Variants in TMEM268 observed in about 807,000 individuals in gnomAD.
TMEM268 encodes transmembrane protein 268, also known as transmembrane protein C9orf91.
TMEM268 carries 24 observed loss-of-function variants against 39.1 expected under a neutral mutation model. That is an observed-to-expected ratio of 0.61 (90% CI 0.44 to 0.86). The LOEUF is 0.86. Among genes scored for constraint, TMEM268 ranks in the 40% least tolerant of loss-of-function variants. TMEM268 has a pLI of 0.00. For synonymous variants in TMEM268, 176 were observed against 173.5 expected, an observed-to-expected ratio of 1.01 and a Z score of -0.12; for missense variants, 409 against 428.6, an observed-to-expected ratio of 0.95 and a Z score of 0.40.
intron 5 of TMEM268, among the ~76,000 whole-genome samples, chr9:114,631,215 A>G (rs1353953057): frequency 1.4e-5 from 2 of 146,616 alleles, no homozygotes; most frequent in Non-Finnish European, 3.0e-5. Flanking sequence ...AGGTGGGAGG[A>G]TTGCTTGAGC....
intron 2 of TMEM268, among the ~76,000 whole-genome samples, chr9:114,623,916 A>G (rs1846046137): frequency 6.6e-6 from 1 of 152,180 alleles, no homozygotes; most frequent in Non-Finnish European, 1.5e-5. Context: ...AGACTCTCTG[A>G]GCCTACTGGG....
At chr9:114,619,274 T>C (rs1467641766) in intron 2 of TMEM268, among the ~76,000 whole-genome samples, 1 of 141,194 alleles carries the variant, frequency 7.1e-6, no homozygotes, top group Non-Finnish European at 1.5e-5. Flanking sequence ...CTTCCCCCTC[T>C]GCGCGTGCGT....
rs10552544 is a variant in TMEM268 at position 114,619,293 on chromosome 9, G to GCACA, written c.106+2017_106+2020dup. Among the ~76,000 whole-genome samples the GCACA allele has an allele frequency of 7.0e-3, 1,054 of 150,388 alleles. 8 individuals are homozygous for GCACA. The highest frequency in any genetic ancestry group is 0.014 in the Middle Eastern group (4 of 290). ...CCCCTCTGCGCGTGCGTGCACGCGT[G>GCACA]CACACACACACACACACACACACAC... On this transcript the variant is annotated intron_variant, in intron 2 of 8. Transcript: ENST00000288502.
Position 114,626,917 on chromosome 9 carries a change from A to G in TMEM268, c.235A>G (p.Arg79Gly), listed in dbSNP as rs779691240. 1 of 1,613,640 alleles carries G rather than the reference A, an allele frequency of 6.2e-7. No homozygotes were observed. The highest frequency in any genetic ancestry group is 1.1e-5 in the South Asian group (1 of 91,064). Residue 79 changes from arginine to glycine, a missense_variant, in exon 4 of 9, where the codon AGG (arginine) becomes GGG (glycine). Arg to Gly is a moderately radical substitution (Grantham distance 125). Coordinates refer to ENST00000288502, the MANE Select transcript of TMEM268 (RefSeq NM_153045.4). ...CAAGCAGGTCCCGGCTGACCAGTAC[A>G]GGAGCTTGGCTGAGAGTGCCCTCTT... ...WGIQVPADQY[R>G]SLAESALLEP...
chr9:114,624,978 C>T (rs1366311106), intron 3 of TMEM268, among the ~76,000 whole-genome samples: 1 of 152,120 alleles, frequency 6.6e-6, no homozygotes, highest in Non-Finnish European at 1.5e-5. Flanking sequence ...ACTGCATATA[C>T]AAGGGAAAGT....
At chr9:114,605,960 T>TA in the TMEM268 span, among the ~76,000 whole-genome samples, 1 of 151,358 alleles carries the variant, frequency 6.6e-6, no homozygotes, top group Non-Finnish European at 1.5e-5. Context: ...GAAAATAACT[T>TA]ACAAAGCAGG....
At chr9:114,625,882 A>G (rs1846139888) in intron 3 of TMEM268, among the ~76,000 whole-genome samples, 1 of 152,080 alleles carries the variant, frequency 6.6e-6, no homozygotes, top group Non-Finnish European at 1.5e-5. Flanking sequence ...GCTGGAGTAC[A>G]GTGGTGTGAT....
chr9:114,615,042 G>C (rs1564283441), intron 1 of TMEM268, among the ~76,000 whole-genome samples: 1 of 151,892 alleles, frequency 6.6e-6, no homozygotes, highest in African/African-American at 2.4e-5. Flanking sequence ...GATTACAGGC[G>C]CCTGCCACCA....
intron 8 of TMEM268, among the ~76,000 whole-genome samples, chr9:114,641,043 T>C (rs1368781336): frequency 6.6e-6 from 1 of 152,098 alleles, no homozygotes; most frequent in Non-Finnish European, 1.5e-5. Context: ...GGCTGGCTAA[T>C]TTTTGTATTT....
At chr9:114,624,076 TG>T in intron 2 of TMEM268, 1 of 314,104 alleles carries the variant, frequency 3.2e-6, no homozygotes, top group Non-Finnish European at 5.3e-6. Context: ...CTATTTTTTA[TG>T]GGGACAGCTT....
intron 2 of TMEM268, 146 bp downstream of exon 2, chr9:114,617,447 C>A: frequency 4.4e-6 from 3 of 683,924 alleles, no homozygotes; most frequent in Non-Finnish European, 7.8e-6. Context: ...GTCTCTTGGC[C>A]TTAGACCAAG....
At chr9:114,639,035 C>T (rs762624581) in intron 8 of TMEM268, among the ~76,000 whole-genome samples, 5 of 152,178 alleles carry the variant, frequency 3.3e-5, no homozygotes, top group Non-Finnish European at 7.3e-5. Flanking sequence ...TAACCATGAA[C>T]ATACTGATGA....
chr9:114,622,078 G>A (rs930959673), intron 2 of TMEM268: 1 of 985,268 alleles, frequency 1.0e-6, no homozygotes, highest in Non-Finnish European at 1.2e-6. Context: ...GCACAGAGTG[G>A]ACAGATGTTT....
At chr9:114,624,934 G>C (rs1218771830) in intron 3 of TMEM268, among the ~76,000 whole-genome samples, 1 of 152,208 alleles carries the variant, frequency 6.6e-6, no homozygotes, top group Non-Finnish European at 1.5e-5. Flanking sequence ...GAATATGCTG[G>C]GTGGAGAGGA....
intron 1 of TMEM268, among the ~76,000 whole-genome samples, chr9:114,613,208 CT>C: frequency 6.6e-6 from 1 of 152,312 alleles, no homozygotes; most frequent in South Asian, 2.1e-4. Flanking sequence ...CTGATTAGTA[CT>C]TTGTGAGAGG....
chr9:114,606,697 A>ACCC (rs77368000), upstream of TMEM268, among the ~76,000 whole-genome samples: 12,749 of 152,126 alleles, frequency 0.084, 594 homozygotes, highest in South Asian at 0.14. Context: ...ATTTGTGGTG[A>ACCC]AGTCTGGATT....
intron 1 of TMEM268, among the ~76,000 whole-genome samples, chr9:114,616,305 G>A (rs1341924059): frequency 5.9e-5 from 9 of 151,758 alleles, no homozygotes; most frequent in East Asian, 3.9e-4. Flanking sequence ...GTGAGCCACC[G>A]CGCCTGGCTT....
At chr9:114,608,661 G>C (rs368245477), upstream of TMEM268, among the ~76,000 whole-genome samples, 5 of 152,282 alleles carry the variant, frequency 3.3e-5, no homozygotes, top group African/African-American at 9.6e-5. Flanking sequence ...AATATCTCTT[G>C]AGGCTCTTGC....
intron 2 of TMEM268, among the ~76,000 whole-genome samples, chr9:114,619,877 T>G (rs1447230597): frequency 2.0e-5 from 3 of 152,016 alleles, no homozygotes. Context: ...CCTTTTTTTT[T>G]GTTGTTTTTT....
Sources: gnomAD v4.1 joint callset for allele counts (sites outside exome capture counted in the v4.1 genomes callset) on GRCh38, gnomAD v4.1.1 for gene constraint, MANE v1.5 for transcripts, NCBI Gene and HGNC (gene_info 2026-07-23, HGNC 2026-07-21) for gene names.